TMEM87B: variants seen among roughly 807,000 people sequenced by gnomAD.
TMEM87B encodes the protein transmembrane protein 87B.
A neutral mutation model predicts 80.3 loss-of-function variants in TMEM87B; 83 were observed. The ratio of observed to expected loss-of-function variants is 1.03; its 90% confidence interval spans 0.87 to 1.24. TMEM87B has a LOEUF of 1.24. Among genes scored for constraint, TMEM87B ranks in the 50% most tolerant of loss-of-function variants. TMEM87B has a pLI of 0.00. For synonymous variants in TMEM87B, 219 were observed against 230.5 expected (o/e 0.95, Z 0.45); for missense variants, 625 against 674.4 (o/e 0.93, Z 0.81).
intron 4 of TMEM87B, among the ~76,000 whole-genome samples, chr2:112,074,632 C>T (rs982821471): frequency 2.0e-5 from 3 of 152,132 alleles, no homozygotes; most frequent in African/African-American, 7.2e-5. Context: ...GGGAAGTTCT[C>T]ATGGATGATA....
intron 2 of TMEM87B, among the ~76,000 whole-genome samples, chr2:112,063,754 A>G (rs1026298792): frequency 2.0e-5 from 3 of 151,934 alleles, no homozygotes; most frequent in African/African-American, 7.3e-5. Flanking sequence ...GTTAAAACTC[A>G]CTCCTCCAGT....
intron 15 of TMEM87B, among the ~76,000 whole-genome samples, chr2:112,103,573 A>G (rs540535707): frequency 6.6e-6 from 1 of 151,178 alleles, no homozygotes; most frequent in East Asian, 1.9e-4. Flanking sequence ...CATACTGTAT[A>G]ATTTTGTTTA....
chr2:112,091,966 G>A (rs1327739259), intron 11 of TMEM87B, among the ~76,000 whole-genome samples, 183 bp downstream of exon 11: 3 of 152,188 alleles, frequency 2.0e-5, no homozygotes, highest in Non-Finnish European at 4.4e-5. Flanking sequence ...TTTCTATGTA[G>A]TTTAGCAAAC....
At chr2:112,099,633 TG>T (rs1374669213) in intron 14 of TMEM87B, among the ~76,000 whole-genome samples, 1 of 149,790 alleles carries the variant, frequency 6.7e-6, no homozygotes, top group East Asian at 1.9e-4. Context: ...CCTAGCACTT[TG>T]GGAGGCCAAG....
chr2:112,087,168 C>G (rs965643655), intron 9 of TMEM87B, among the ~76,000 whole-genome samples: 1 of 151,978 alleles, frequency 6.6e-6, no homozygotes, highest in African/African-American at 2.4e-5. Flanking sequence ...CCCTGCCTTT[C>G]TCTTTGTCAA....
intron 6 of TMEM87B, among the ~76,000 whole-genome samples, chr2:112,078,502 A>G (rs1024641079): frequency 5.3e-5 from 8 of 152,184 alleles, no homozygotes; most frequent in Non-Finnish European, 1.2e-4. Flanking sequence ...GCATTAATCT[A>G]TTCATGAGGA....
chr2:112,067,135 A>G (rs1159886265), intron 4 of TMEM87B, 68 bp downstream of exon 4: 3 of 1,555,100 alleles, frequency 1.9e-6, no homozygotes, highest in Admixed American at 4.3e-5. Context: ...AACTGAAGTA[A>G]TGTTTTATCG....
At chr2:112,063,945 A>T (rs991149707) in intron 2 of TMEM87B, among the ~76,000 whole-genome samples, 1 of 152,228 alleles carries the variant, frequency 6.6e-6, no homozygotes, top group African/African-American at 2.4e-5. Context: ...TTAGACTTAT[A>T]CGTGAAATGA....
chr2:112,061,190 T>A (rs1678248800), intron 2 of TMEM87B, among the ~76,000 whole-genome samples: 1 of 152,186 alleles, frequency 6.6e-6, no homozygotes, highest in Admixed American at 6.5e-5. Flanking sequence ...CTACCAAGGT[T>A]TTTTAAGAAT....
chr2:112,111,877 T>G (rs1679926941), intron 17 of TMEM87B, among the ~76,000 whole-genome samples: 1 of 152,224 alleles, frequency 6.6e-6, no homozygotes, highest in Non-Finnish European at 1.5e-5. Flanking sequence ...TCGTTCTTAA[T>G]AAGTTTTAAG....
intron 5 of TMEM87B, among the ~76,000 whole-genome samples, chr2:112,075,806 G>T (rs1190042466): frequency 6.6e-6 from 1 of 152,148 alleles, no homozygotes; most frequent in Non-Finnish European, 1.5e-5. Context: ...AAAGGCACTC[G>T]CTCTGCAGTG....
chr2:112,099,882 CA>C (rs57117477), intron 14 of TMEM87B, among the ~76,000 whole-genome samples: 2,620 of 67,942 alleles, frequency 0.039, 33 homozygotes, highest in East Asian at 0.14. Flanking sequence ...GACCCTGTCT[CA>C]AAAAAAAAAA....
Position 112,081,045 on chromosome 2 carries a change from T to C in TMEM87B, c.593-12T>C. 6.2e-7 allele frequency: 1 copy of C among 1,609,048 alleles called. No individual in the cohort carries two copies. Among genetic ancestry groups the C allele is most frequent in the Non-Finnish European group, 8.5e-7 (1 of 1,176,790 alleles). On this transcript the variant is annotated splice_polypyrimidine_tract_variant and intron_variant, in intron 6 of 18. Transcript: ENST00000283206. ...TGACTGTTAATTAACTCTCTCTTCTTCTCTATCCTAGTTTCTCTTTCTATG... is the reference window on the plus strand; with the variant it reads ...TGACTGTTAATTAACTCTCTCTTCTCCTCTATCCTAGTTTCTCTTTCTATG...
At chr2:112,080,283 G>A (rs186416360) in intron 6 of TMEM87B, among the ~76,000 whole-genome samples, 12 of 134,652 alleles carry the variant, frequency 8.9e-5, no homozygotes, top group Admixed American at 3.9e-4. Context: ...TTTTTGAGAC[G>A]GAGTCTTGCT....
chr2:112,105,455 G>A (rs558279067), intron 15 of TMEM87B, among the ~76,000 whole-genome samples: 1 of 152,308 alleles, frequency 6.6e-6, no homozygotes, highest in South Asian at 2.1e-4. Context: ...GAAACACTAA[G>A]TCACAGGAAG....
intron 16 of TMEM87B, among the ~76,000 whole-genome samples, chr2:112,106,504 T>C (rs1015803651): frequency 5.3e-5 from 8 of 152,142 alleles, no homozygotes; most frequent in Non-Finnish European, 8.8e-5. Context: ...CATTTTAAAA[T>C]AACATTTGTT....
chr2:112,059,895 T>G, intron 1 of TMEM87B, 82 bp from the exon 2 acceptor site: 1 of 1,512,416 alleles, frequency 6.6e-7, no homozygotes, highest in South Asian at 1.2e-5. Flanking sequence ...GTGCAAGGCT[T>G]AGAACTCTAT....
chr2:112,097,413 G>T, intron 13 of TMEM87B, 122 bp downstream of exon 13: 1 of 952,920 alleles, frequency 1.0e-6, no homozygotes, highest in African/African-American at 1.7e-5. Flanking sequence ...TTTTTACTTT[G>T]AACTATTTTT....
chr2:112,089,866 A>G lies in TMEM87B; in HGVS notation c.1032+148A>G, dbSNP rs1679250782. The G allele has an allele frequency of 5.6e-6, 4 of 718,328 alleles. No homozygotes were observed. The South Asian group carries it at 7.2e-5, about 13-fold the overall frequency. The allele number at this position is 718,328 out of a possible 1,614,324, so 44.5% of individuals were successfully genotyped here. On this transcript the variant is annotated intron_variant, in intron 10 of 18. Transcript: ENST00000283206. ...TTCTATGGGATGTTTCCCTTTTAAA[A>G]TACTTCCTGAAAGGCAAAGGCTAGA...
Sources: gnomAD v4.1 joint callset for allele counts (sites outside exome capture counted in the v4.1 genomes callset) on GRCh38, gnomAD v4.1.1 for gene constraint, MANE v1.5 for transcripts, NCBI Gene and HGNC (gene_info 2026-07-23, HGNC 2026-07-21) for gene names.